Variants in ADGRB3 observed in about 807,000 individuals in gnomAD.
ADGRB3 encodes the protein adhesion G protein-coupled receptor B3.
Under a neutral mutation model 193.4 loss-of-function variants are expected in ADGRB3, and 37 were observed. The ratio of observed to expected loss-of-function variants is 0.19; its 90% CI spans 0.15 to 0.25. ADGRB3 has a LOEUF of 0.25. Ranked by LOEUF, ADGRB3 falls within the 10% of genes least tolerant of loss-of-function variation. ADGRB3 has a pLI of 1.00. For synonymous variants in ADGRB3, 690 were observed against 644.2 expected, an observed-to-expected ratio of 1.07 and a Z score of -1.08; for missense variants, 1,637 against 1,852.9, an observed-to-expected ratio of 0.88 and a Z score of 2.14.
chr6:68,999,334 C>T (rs1003146263), intron 11 of ADGRB3, among the ~76,000 whole-genome samples: 1 of 147,792 alleles, frequency 6.8e-6, no homozygotes, highest in Non-Finnish European at 1.5e-5. Context: ...GCGAGATCTT[C>T]GCTCACTGCA....
intron 3 of ADGRB3, among the ~76,000 whole-genome samples, chr6:68,705,551 C>T (rs952766614): frequency 2.0e-5 from 3 of 152,168 alleles, no homozygotes; most frequent in Admixed American, 1.3e-4. Context: ...CACTCTGTGT[C>T]TGTCAGTGCC....
At chr6:69,141,290 A>T (rs1306258932) in intron 17 of ADGRB3, among the ~76,000 whole-genome samples, 4 of 151,832 alleles carry the variant, frequency 2.6e-5, no homozygotes, top group African/African-American at 4.8e-5. Flanking sequence ...TGCCCGGCTA[A>T]TTTTTTGTAT....
At chr6:68,867,897 T>C (rs505031) in intron 3 of ADGRB3, among the ~76,000 whole-genome samples, 133,014 of 152,176 alleles carry the variant, frequency 0.87, 58,393 homozygotes, top group Middle Eastern at 0.95. Flanking sequence ...GCGCCTGTAC[T>C]CCCACTGTTT....
intron 3 of ADGRB3, among the ~76,000 whole-genome samples, chr6:68,825,216 G>A (rs1405730705): frequency 6.6e-6 from 1 of 151,778 alleles, no homozygotes; most frequent in African/African-American, 2.4e-5. Context: ...TTAATCTCAT[G>A]GTTGCTTCTC....
intron 3 of ADGRB3, among the ~76,000 whole-genome samples, chr6:68,914,346 C>T (rs1318579937): frequency 6.6e-5 from 10 of 152,242 alleles, no homozygotes; most frequent in South Asian, 2.1e-4. Context: ...GCGGATCTCT[C>T]GGCAGAAACT....
intron 3 of ADGRB3, among the ~76,000 whole-genome samples, chr6:68,847,922 G>T (rs1046200796): frequency 1.3e-5 from 2 of 150,856 alleles, no homozygotes; most frequent in East Asian, 1.9e-4. Flanking sequence ...GGAAAAAAAA[G>T]AATAGAAAAA....
chr6:69,362,656 A>G (rs1194363741), intron 29 of ADGRB3, among the ~76,000 whole-genome samples: 1 of 150,178 alleles, frequency 6.7e-6, no homozygotes, highest in Non-Finnish European at 1.5e-5. Flanking sequence ...TTCTGAGGAT[A>G]ACTAGGTCAG....
intron 8 of ADGRB3, among the ~76,000 whole-genome samples, chr6:68,962,331 G>A (rs1292173659): frequency 6.6e-6 from 1 of 152,038 alleles, no homozygotes. Context: ...GGCAGACTTG[G>A]GGAAGAACCG....
intron 8 of ADGRB3, among the ~76,000 whole-genome samples, chr6:68,958,155 T>G (rs1304595899): frequency 1.3e-5 from 2 of 151,978 alleles, no homozygotes; most frequent in African/African-American, 4.8e-5. Context: ...TAGCCGAGAT[T>G]GCACCACTGC....
chr6:68,868,790 A>G (rs1233132594), intron 3 of ADGRB3, among the ~76,000 whole-genome samples: 2 of 152,176 alleles, frequency 1.3e-5, no homozygotes, highest in Non-Finnish European at 2.9e-5. Flanking sequence ...GTGTAGACAT[A>G]TGCCAGATGT....
intron 17 of ADGRB3, among the ~76,000 whole-genome samples, chr6:69,129,447 A>T (rs1773944525): frequency 1.3e-5 from 2 of 152,126 alleles, no homozygotes; most frequent in Admixed American, 1.3e-4. Context: ...TGAAGAAATT[A>T]GTGACAAATA....
chr6:69,194,142 A>C (rs1013218209), intron 17 of ADGRB3, among the ~76,000 whole-genome samples: 14 of 152,166 alleles, frequency 9.2e-5, no homozygotes, highest in Admixed American at 7.9e-4. Context: ...TCTAAAACAA[A>C]ATAAATTTAA....
At chr6:69,188,759 T>A (rs1486414713) in intron 17 of ADGRB3, among the ~76,000 whole-genome samples, 3 of 152,180 alleles carry the variant, frequency 2.0e-5, no homozygotes, top group South Asian at 2.1e-4. Context: ...ATATTTTTTT[T>A]AAATTCGTTA....
At chr6:68,987,670 C>G (rs1769118750) in intron 10 of ADGRB3, among the ~76,000 whole-genome samples, 1 of 152,100 alleles carries the variant, frequency 6.6e-6, no homozygotes, top group Non-Finnish European at 1.5e-5. Context: ...TCCATAGTCA[C>G]TACTTAGGAG....
At chr6:68,725,709 G>A (rs1197382515) in intron 3 of ADGRB3, among the ~76,000 whole-genome samples, 2 of 151,608 alleles carry the variant, frequency 1.3e-5, no homozygotes, top group Admixed American at 6.6e-5. Flanking sequence ...AGAGGTTAGA[G>A]TGAAAATCAA....
At chr6:69,035,599 G>T (rs1336651) in intron 13 of ADGRB3, among the ~76,000 whole-genome samples, 4 of 151,778 alleles carry the variant, frequency 2.6e-5, no homozygotes, top group Non-Finnish European at 5.9e-5. Context: ...CAAGTATAAC[G>T]GGAAACCTGG....
chr6:69,327,966 G>C, intron 22 of ADGRB3, 77 bp downstream of exon 22: 2 of 1,298,752 alleles, frequency 1.5e-6, no homozygotes, highest in Non-Finnish European at 2.1e-6. Context: ...ACTGCTGATG[G>C]CTTGCAGTTT....
At chr6:68,776,801 A>G (rs1182842726) in intron 3 of ADGRB3, among the ~76,000 whole-genome samples, 1 of 152,170 alleles carries the variant, frequency 6.6e-6, no homozygotes, top group Non-Finnish European at 1.5e-5. Flanking sequence ...CTTTGTTTCT[A>G]AAGCTATTAA....
chr6:69,283,569 G>T (rs1412525937), intron 20 of ADGRB3, among the ~76,000 whole-genome samples: 1 of 151,840 alleles, frequency 6.6e-6, no homozygotes, highest in Non-Finnish European at 1.5e-5. Flanking sequence ...GTGAACTTTG[G>T]CAAGTTACCT....
Sources: allele counts gnomAD v4.1 joint callset (sites outside exome capture counted in the v4.1 genomes callset), GRCh38; gene constraint gnomAD v4.1.1; transcripts MANE v1.5; gene names NCBI Gene and HGNC (gene_info 2026-07-23, HGNC 2026-07-21).